GRIN2B: variants seen among roughly 807,000 people sequenced by gnomAD.
The protein encoded by GRIN2B is glutamate ionotropic receptor NMDA type subunit 2B, also known as glutamate receptor ionotropic, NMDA 2B.
In GRIN2B, 5 loss-of-function variants were observed where a neutral mutation model predicts 114.5. The observed-to-expected ratio is 0.04, with a 90% CI of 0.02 to 0.09. GRIN2B has a LOEUF of 0.09. Ranked by LOEUF, GRIN2B falls within the 10% of genes least tolerant of loss-of-function variation. GRIN2B has a pLI of 1.00. For synonymous variants in GRIN2B, 787 were observed against 745.1 expected, an observed-to-expected ratio of 1.06 and a Z score of -0.92; for missense variants, 1,108 against 1,943.5, an observed-to-expected ratio of 0.57 and a Z score of 8.08.
At chr12:13,932,994 C>CGT (rs145061374) in intron 2 of GRIN2B, among the ~76,000 whole-genome samples, 1 of 127,148 alleles carries the variant, frequency 7.9e-6, no homozygotes, top group Admixed American at 7.8e-5. Flanking sequence ...TGTGCGTGTG[C>CGT]GTGTGTGTGT....
At chr12:13,944,216 C>T (rs150899397) in intron 2 of GRIN2B, among the ~76,000 whole-genome samples, 65 of 152,296 alleles carry the variant, frequency 4.3e-4, no homozygotes, top group African/African-American at 1.5e-3. Context: ...CCTATAAGTG[C>T]CTTCCATGAT....
chr12:13,553,433 C>A lies in GRIN2B; in HGVS notation c.*9350G>T, dbSNP rs887172277. ...GTGCTCAATTACCTCAACTCTTATC[C>A]TCCCTTTGGGAGAAGTGATCCTGTA... is the stretch of plus-strand genomic sequence containing the variant. On this transcript the variant is annotated 3_prime_UTR_variant, in exon 14 of 14. Transcript: ENST00000609686. The A allele has an allele frequency of 6.6e-6, 1 of 152,190 alleles. No individual in the cohort carries two copies. Among genetic ancestry groups the A allele is most frequent in the African/African-American group, 2.4e-5 (1 of 41,440 alleles). 9.4% of individuals were successfully genotyped at this position (152,190 alleles called of 1,614,324 possible).
intron 2 of GRIN2B, among the ~76,000 whole-genome samples, chr12:13,908,075 C>T (rs1475134555): frequency 6.6e-6 from 1 of 152,148 alleles, no homozygotes; most frequent in Non-Finnish European, 1.5e-5. Context: ...TTATTTTGAA[C>T]TCATGACGCT....
chr12:13,866,238 A>G lies in GRIN2B; in HGVS notation c.-18-12T>C. 6.3e-7 allele frequency: 1 copy of G among 1,599,434 alleles called. No homozygotes were observed. The highest frequency in any genetic ancestry group is 8.5e-7 in the Non-Finnish European group (1 of 1,178,124). ...AACTCGTCGACTCCCTGCAAACACAAAGAAAGAGCATGTTAAAATAGGATC... is the reference window on the plus strand; with the variant it reads ...AACTCGTCGACTCCCTGCAAACACAGAGAAAGAGCATGTTAAAATAGGATC... On this transcript the variant is annotated splice_polypyrimidine_tract_variant and intron_variant, in intron 2 of 13. Coordinates refer to ENST00000609686, the MANE Select transcript of GRIN2B (RefSeq NM_000834.5).
intron 2 of GRIN2B, among the ~76,000 whole-genome samples, chr12:13,930,091 G>A (rs1291695407): frequency 1.3e-5 from 2 of 152,136 alleles, no homozygotes; most frequent in East Asian, 3.9e-4. Flanking sequence ...GGCTGAGGCA[G>A]GAGAATCGCT....
chr12:13,754,861 G>A (rs1050196587), intron 3 of GRIN2B, among the ~76,000 whole-genome samples: 1 of 152,108 alleles, frequency 6.6e-6, no homozygotes, highest in Non-Finnish European at 1.5e-5. Flanking sequence ...TTCCTTTCCA[G>A]GGAGAAGCCA....
chr12:13,820,211 C>G (rs1864908041), intron 3 of GRIN2B, among the ~76,000 whole-genome samples: 1 of 152,108 alleles, frequency 6.6e-6, no homozygotes, highest in Non-Finnish European at 1.5e-5. Flanking sequence ...CATGAGCCCC[C>G]AAGAGAAAAA....
intron 4 of GRIN2B, among the ~76,000 whole-genome samples, chr12:13,742,849 A>G (rs774606959): frequency 1.3e-5 from 2 of 152,232 alleles, no homozygotes. Context: ...CCAGCAGACT[A>G]TAAGCAAAGT....
chr12:13,918,363 C>T (rs1025024657), intron 2 of GRIN2B, among the ~76,000 whole-genome samples: 1 of 152,130 alleles, frequency 6.6e-6, no homozygotes, highest in African/African-American at 2.4e-5. Context: ...TATGACTGCA[C>T]CACTGTACTC....
At chr12:13,921,243 A>G (rs983243310) in intron 2 of GRIN2B, among the ~76,000 whole-genome samples, 4 of 152,042 alleles carry the variant, frequency 2.6e-5, no homozygotes, top group Admixed American at 1.3e-4. Context: ...CTAAAAATAC[A>G]ACACATTAGC....
chr12:13,687,674 T>A (rs1305581344), intron 4 of GRIN2B, among the ~76,000 whole-genome samples: 3 of 152,240 alleles, frequency 2.0e-5, no homozygotes, highest in African/African-American at 7.2e-5. Flanking sequence ...GCTTTAAAAC[T>A]GTTACAGCTT....
intron 10 of GRIN2B, among the ~76,000 whole-genome samples, chr12:13,585,837 T>G (rs1388290790): frequency 6.6e-6 from 1 of 152,158 alleles, no homozygotes; most frequent in African/African-American, 2.4e-5. Context: ...ATCTCTTTTG[T>G]TTTTAATTTA....
intron 4 of GRIN2B, among the ~76,000 whole-genome samples, chr12:13,710,896 C>T (rs1248759100): frequency 6.6e-6 from 1 of 151,872 alleles, no homozygotes; most frequent in Non-Finnish European, 1.5e-5. Context: ...TCATATGCAA[C>T]CAAAAAAGAG....
At position 13,539,139 on chromosome 12, in the gene GRIN2B, C is replaced by T. The variant is rs1231071205; in HGVS notation, c.*23644G>A. On this transcript the variant is annotated 3_prime_UTR_variant, in exon 14 of 14. Transcript: ENST00000609686. ...TACAAAGGAAAGTACAAGAGAGACCCTCACAGATAATCTCTCTGAGACAGT... is the reference window on the plus strand; with the variant it reads ...TACAAAGGAAAGTACAAGAGAGACCTTCACAGATAATCTCTCTGAGACAGT... 1 of 152,202 alleles carries T rather than the reference C, an allele frequency of 6.6e-6. No homozygotes were observed. The highest frequency in any genetic ancestry group is 1.5e-5 in the Non-Finnish European group (1 of 68,048). 9.4% of individuals were successfully genotyped at this position (152,202 alleles called of 1,614,324 possible).
At chr12:13,696,932 C>T (rs1358053895) in intron 4 of GRIN2B, among the ~76,000 whole-genome samples, 1 of 152,126 alleles carries the variant, frequency 6.6e-6, no homozygotes, top group Non-Finnish European at 1.5e-5. Flanking sequence ...ATGCTTTAGC[C>T]GTTCTTTATG....
chr12:13,966,978 C>A (rs564693429), intron 2 of GRIN2B, among the ~76,000 whole-genome samples: 33 of 152,250 alleles, frequency 2.2e-4, no homozygotes, highest in African/African-American at 7.9e-4. Flanking sequence ...TCTGCCTCTG[C>A]CACCATGTTA....
chr12:13,882,936 G>T lies in GRIN2B; in HGVS notation c.-18-16710C>A, dbSNP rs79908498. ...ATAATCAATCCCTTAGCCCTCTCCT[G>T]TGTGTGACAATCACTGATGTGATTT... On this transcript the variant is annotated intron_variant, in intron 2 of 13. Coordinates refer to ENST00000609686, the MANE Select transcript of GRIN2B (RefSeq NM_000834.5). Among the ~76,000 whole-genome samples, 90 of 152,200 alleles carry T rather than the reference G, an allele frequency of 5.9e-4. No homozygotes were observed. The East Asian group carries it at 0.017, about 29-fold the overall frequency.
chr12:13,691,326 T>G (rs1022974881), intron 4 of GRIN2B, among the ~76,000 whole-genome samples: 6 of 152,186 alleles, frequency 3.9e-5, no homozygotes, highest in African/African-American at 1.4e-4. Context: ...GAGTTGAGGA[T>G]AGTTCAGAAA....
chr12:13,862,877 A>T (rs1865771665), intron 3 of GRIN2B, among the ~76,000 whole-genome samples: 1 of 152,182 alleles, frequency 6.6e-6, no homozygotes, highest in Admixed American at 6.5e-5. Flanking sequence ...CCACCCATTC[A>T]GCATCGAACG....
Sources: allele counts gnomAD v4.1 joint callset (sites outside exome capture counted in the v4.1 genomes callset), GRCh38; gene constraint gnomAD v4.1.1; transcripts MANE v1.5; gene names NCBI Gene and HGNC (gene_info 2026-07-23, HGNC 2026-07-21).